Variants in NNAT observed in about 807,000 individuals in gnomAD.
NNAT encodes neuronatin.
Under a neutral mutation model 12.7 loss-of-function variants are expected in NNAT, and 8 were observed. The observed-to-expected ratio is 0.63, with a 90% CI of 0.37 to 1.14. NNAT has a LOEUF of 1.14. Ranked by LOEUF, NNAT falls within the 50% of genes most tolerant of loss-of-function variation. The pLI is 0.01. For synonymous variants in NNAT, 52 were observed against 48.5 expected (o/e 1.07, Z -0.30); for missense variants, 94 against 108.3 (o/e 0.87, Z 0.59).
chr20:37,521,343 G>T lies in NNAT; in HGVS notation c.12G>T (p.Val4=). Residue 4 remains valine (V), a synonymous_variant, in exon 1 of 3, where the codon GTG becomes GTT. Coordinates refer to ENST00000649451, the MANE Select transcript of NNAT (RefSeq NM_005386.4). The surrounding 1 kb of genome is among the most constrained non-coding windows in gnomAD (Gnocchi z 4.5). MAA[V]AAASAELLII... Reference sequence around the variant, plus strand: ...CCATTCTTGGAACCATGGCGGCAGTGGCGGCGGCCTCGGCTGAACTGCTCA... The same window carrying T: ...CCATTCTTGGAACCATGGCGGCAGTTGCGGCGGCCTCGGCTGAACTGCTCA... 1 of 1,614,068 alleles carries T rather than the reference G, an allele frequency of 6.2e-7. No individual in the cohort carries two copies. The highest frequency in any genetic ancestry group is 1.3e-5 in the African/African-American group (1 of 75,050).
Position 37,521,423 on chromosome 20 carries a change from G to C in NNAT, c.72+20G>C, listed in dbSNP as rs759555927. 6.2e-7 allele frequency: 1 copy of C among 1,612,644 alleles called. No homozygotes were observed. Among genetic ancestry groups the C allele is most frequent in the Non-Finnish European group, 8.5e-7 (1 of 1,178,654 alleles). On this transcript the variant is annotated intron_variant, in intron 1 of 2. Coordinates refer to ENST00000649451, the MANE Select transcript of NNAT (RefSeq NM_005386.4). The surrounding 1 kb of genome is among the most constrained non-coding windows in gnomAD (Gnocchi z 4.5). ...CTGCAGGTAAGTCTGACGGGGTTTC[G>C]GGTGGGAGAGGGTTCCCAACTCGCG...
At chr20:37,522,543 G>A in intron 2 of NNAT, 105 bp downstream of exon 2, 22 of 1,153,784 alleles carry the variant, frequency 1.9e-5, no homozygotes, top group Admixed American at 2.5e-5. Flanking sequence ...GCCCGCGCCC[G>A]CCTCTCCAGC....
At position 37,521,434 on chromosome 20, in the gene NNAT, G is replaced by C. The variant is rs779217621; in HGVS notation, c.72+31G>C. 2 of 1,607,532 alleles carry C rather than the reference G, an allele frequency of 1.2e-6. No homozygotes were observed. The highest frequency in any genetic ancestry group is 2.2e-5 in the South Asian group (2 of 90,976). On this transcript the variant is annotated intron_variant, in intron 1 of 2. Transcript: ENST00000649451. The surrounding 1 kb of genome is among the most constrained non-coding windows in gnomAD (Gnocchi z 4.5). ...TCTGACGGGGTTTCGGGTGGGAGAG[G>C]GTTCCCAACTCGCGCCCCTAGAACC...
chr20:37,521,558 C>T lies in NNAT; in HGVS notation c.72+155C>T. The T allele has an allele frequency of 1.4e-6, 1 of 735,990 alleles. No individual in the cohort carries two copies. Among genetic ancestry groups the T allele is most frequent in the Non-Finnish European group, 2.3e-6 (1 of 434,158 alleles). 45.6% of individuals were successfully genotyped at this position (735,990 alleles called of 1,614,324 possible). Reference sequence around the variant, plus strand: ...TGCCGCTGCCGGCACCGCGCGCCCCCTGCCCATTCCCTGCGCCGTCCTCCT... The same window carrying T: ...TGCCGCTGCCGGCACCGCGCGCCCCTTGCCCATTCCCTGCGCCGTCCTCCT... On this transcript the variant is annotated intron_variant, in intron 1 of 2. Transcript: ENST00000649451. This position sits in a 1 kb window ranked among gnomAD's most constrained non-coding sequence, Gnocchi z 4.5.
chr20:37,522,648 C>T lies in NNAT; in HGVS notation c.154-19C>T, dbSNP rs1213319181. The T allele has an allele frequency of 6.2e-7, 1 of 1,603,624 alleles. No homozygotes were observed. The highest frequency in any genetic ancestry group is 8.5e-7 in the Non-Finnish European group (1 of 1,175,464). ...TGGGTGCTCTCCACTAAGGGTGGGT[C>T]CTGGGTTTCTCGTCGCAGGTGTTCA... On this transcript the variant is annotated intron_variant, in intron 2 of 2. Transcript: ENST00000649451.
Position 37,522,354 on chromosome 20 carries a change from C to G in NNAT, c.73-4C>G. 2 of 1,613,362 alleles carry G rather than the reference C, an allele frequency of 1.2e-6. No individual in the cohort carries two copies. The highest frequency in any genetic ancestry group is 2.2e-5 in the East Asian group (1 of 44,852). ...TGCCAAAGGAATCGCATATTTCCTT[C>G]AAGGTGTTCCTGGAATGCTGCATTT... On this transcript the variant is annotated splice_polypyrimidine_tract_variant and splice_region_variant and intron_variant, in intron 1 of 2. Coordinates refer to ENST00000649451, the MANE Select transcript of NNAT (RefSeq NM_005386.4).
Position 37,521,724 on chromosome 20 carries a change from G to C in NNAT, c.72+321G>C, listed in dbSNP as rs953172686. 2 of 317,468 alleles carry C rather than the reference G, an allele frequency of 6.3e-6. No homozygotes were observed. Among genetic ancestry groups the C allele is most frequent in the Non-Finnish European group, 1.2e-5 (2 of 168,652 alleles). 19.7% of individuals were successfully genotyped at this position (317,468 alleles called of 1,614,324 possible). On this transcript the variant is annotated intron_variant, in intron 1 of 2. Coordinates refer to ENST00000649451, the MANE Select transcript of NNAT (RefSeq NM_005386.4). This position sits in a 1 kb window ranked among gnomAD's most constrained non-coding sequence, Gnocchi z 4.5. ...CCCGCTACACCCGGACTCGACCCCAGGAGGGAGGCGGGGCACTACTGTGTT... is the reference window on the plus strand; with the variant it reads ...CCCGCTACACCCGGACTCGACCCCACGAGGGAGGCGGGGCACTACTGTGTT...
chr20:37,522,904 G>C lies in NNAT; in HGVS notation c.*145G>C. 1.6e-6 allele frequency: 1 copy of C among 644,670 alleles called. No homozygotes were observed. Among genetic ancestry groups the C allele is most frequent in the Non-Finnish European group, 2.6e-6 (1 of 380,440 alleles). 39.9% of individuals were successfully genotyped at this position (644,670 alleles called of 1,614,324 possible). A position where few individuals can be genotyped will look rare whatever the true frequency, so the allele number is the denominator to read the frequency against. ...ACTTGGCAAGGTCAGTGAGGGGCCA[G>C]TAGACCCCCGGAGAAGCAGTACCGA... is the stretch of plus-strand genomic sequence containing the variant. On this transcript the variant is annotated 3_prime_UTR_variant, in exon 3 of 3. Transcript: ENST00000649451.
Position 37,522,456 on chromosome 20 carries a change from G to A in NNAT, c.153+18G>A. 1.2e-6 allele frequency: 2 copies of A among 1,609,244 alleles called. No individual in the cohort carries two copies. Among genetic ancestry groups the A allele is most frequent in the Non-Finnish European group, 1.7e-6 (2 of 1,176,348 alleles). On this transcript the variant is annotated intron_variant, in intron 2 of 2. Coordinates refer to ENST00000649451, the MANE Select transcript of NNAT (RefSeq NM_005386.4). ...GAAGTGAGGTATACCTAAGTTGTGG[G>A]TCCAATCAGCTTGCCGCCATGCAGC...
In NNAT at chr20:37,521,321, T is replaced by C; in HGVS notation, c.-11T>C. ...CTCTTTCTCGACCACCCACCTACCA[T>C]TCTTGGAACCATGGCGGCAGTGGCG... is the stretch of plus-strand genomic sequence containing the variant. On this transcript the variant is annotated 5_prime_UTR_variant, in exon 1 of 3. Coordinates refer to ENST00000649451, the MANE Select transcript of NNAT (RefSeq NM_005386.4). This position sits in a 1 kb window ranked among gnomAD's most constrained non-coding sequence, Gnocchi z 4.5. The C allele has an allele frequency of 1.2e-6, 2 of 1,613,694 alleles. No individual in the cohort carries two copies. Among genetic ancestry groups the C allele is most frequent in the Non-Finnish European group, 1.7e-6 (2 of 1,179,702 alleles).
rs1414434356 is a variant in NNAT at position 37,521,575 on chromosome 20, C to T, written c.72+172C>T. The T allele has an allele frequency of 1.6e-5, 11 of 667,908 alleles. No homozygotes were observed. Among genetic ancestry groups the T allele is most frequent in the South Asian group, 1.6e-4 (9 of 56,948 alleles). 41.4% of individuals were successfully genotyped at this position (667,908 alleles called of 1,614,324 possible). On this transcript the variant is annotated intron_variant, in intron 1 of 2. Transcript: ENST00000649451. This position sits in a 1 kb window ranked among gnomAD's most constrained non-coding sequence, Gnocchi z 4.5. Reference sequence around the variant, plus strand: ...CGCGCCCCCTGCCCATTCCCTGCGCCGTCCTCCTCGCGCTGACCCTCCCTA... The same window carrying T: ...CGCGCCCCCTGCCCATTCCCTGCGCTGTCCTCCTCGCGCTGACCCTCCCTA...
In NNAT at chr20:37,521,961, A is replaced by G. The variant is rs935235331; in HGVS notation, c.73-397A>G. 3.3e-5 allele frequency among the ~76,000 whole-genome samples: 5 copies of G among 151,762 alleles called. No individual in the cohort carries two copies. The highest frequency in any genetic ancestry group is 1.2e-4 in the African/African-American group (5 of 41,390). ...AAAAAGTAGTTCACAGGAAAACAGA[A>G]AAACGCGCATTGCAGGAAAAATAAA... On this transcript the variant is annotated intron_variant, in intron 1 of 2. Coordinates refer to ENST00000649451, the MANE Select transcript of NNAT (RefSeq NM_005386.4). This position sits in a 1 kb window ranked among gnomAD's most constrained non-coding sequence, Gnocchi z 4.5.
intron 2 of NNAT, 105 bp from the exon 3 acceptor site, chr20:37,522,550 CAGCCTACGCTGG>C (rs1371252540): frequency 7.3e-7 from 1 of 1,369,422 alleles, no homozygotes; most frequent in African/African-American, 1.5e-5. Flanking sequence ...CCCGCCTCTC[CAGCCTACGCTGG>C]ATGGGCGGGC....
In NNAT at chr20:37,523,465, C is replaced by T. The variant is rs1180135233; in HGVS notation, c.*706C>T. On this transcript the variant is annotated 3_prime_UTR_variant, in exon 3 of 3. Coordinates refer to ENST00000649451, the MANE Select transcript of NNAT (RefSeq NM_005386.4). The stretch of plus-strand genomic sequence containing the variant: ...TACTAAAACACTTTCTCTGAACCCC[C>T]CTTGCCCCTCACTGATCTTGCTTTT... 1 of 152,744 alleles carries T rather than the reference C, an allele frequency of 6.5e-6. No homozygotes were observed. The highest frequency in any genetic ancestry group is 1.5e-5 in the Non-Finnish European group (1 of 68,122). The allele number at this position is 152,744 out of a possible 1,614,324, so 9.5% of individuals were successfully genotyped here.
Position 37,523,619 on chromosome 20 carries a change from A to C in NNAT, c.*860A>C, listed in dbSNP as rs2071666778. On this transcript the variant is annotated 3_prime_UTR_variant, in exon 3 of 3. Transcript: ENST00000649451. ...GGAGGACAGGGACCACCTCTACAAA[A>C]AATAAAAAAAGTACCTCCCCTGTCT... 6.6e-6 allele frequency: 1 copy of C among 152,590 alleles called. No homozygotes were observed. Among genetic ancestry groups the C allele is most frequent in the Non-Finnish European group, 1.5e-5 (1 of 68,060 alleles). The allele number at this position is 152,590 out of a possible 1,614,324, so 9.5% of individuals were successfully genotyped here.
rs2071578528 is a variant in NNAT at position 37,521,623 on chromosome 20, AC to A, written c.72+221del. 1 of 560,856 alleles carries A rather than the reference AC, an allele frequency of 1.8e-6. No homozygotes were observed. Among genetic ancestry groups the A allele is most frequent in the African/African-American group, 1.9e-5 (1 of 52,132 alleles). 34.7% of individuals were successfully genotyped at this position (560,856 alleles called of 1,614,324 possible). A position where few individuals can be genotyped will look rare whatever the true frequency, so the allele number is the denominator to read the frequency against. ...CTAGTGCGCCCGCGCCTGCCAGGGA[AC>A]AAAGACTCGGGGCGCGGCGGGCGAC... is the stretch of plus-strand genomic sequence containing the variant. On this transcript the variant is annotated intron_variant, in intron 1 of 2. Coordinates refer to ENST00000649451, the MANE Select transcript of NNAT (RefSeq NM_005386.4). The surrounding 1 kb of genome is among the most constrained non-coding windows in gnomAD (Gnocchi z 4.5).
chr20:37,521,295 C>T lies in NNAT; in HGVS notation c.-37C>T, dbSNP rs377378589. Reference sequence around the variant, plus strand: ...CCGAGACCAGCGGATCTCGGCAAACCCTCTTTCTCGACCACCCACCTACCA... The same window carrying T: ...CCGAGACCAGCGGATCTCGGCAAACTCTCTTTCTCGACCACCCACCTACCA... On this transcript the variant is annotated 5_prime_UTR_variant, in exon 1 of 3. Coordinates refer to ENST00000649451, the MANE Select transcript of NNAT (RefSeq NM_005386.4). The surrounding 1 kb of genome is among the most constrained non-coding windows in gnomAD (Gnocchi z 4.5). The T allele has an allele frequency of 4.4e-5, 70 of 1,609,104 alleles. No homozygotes were observed. Among genetic ancestry groups the T allele is most frequent in the Admixed American group, 2.3e-4 (14 of 59,984 alleles).
Position 37,521,403 on chromosome 20 carries a change from G to A in NNAT, c.72G>A (p.Gln24=). The A allele has an allele frequency of 6.2e-7, 1 of 1,614,138 alleles. No individual in the cohort carries two copies. Residue 24 remains glutamine (Q), a splice_region_variant and synonymous_variant, in exon 1 of 3, where the codon CAG becomes CAA. Transcript: ENST00000649451. The surrounding 1 kb of genome is among the most constrained non-coding windows in gnomAD (Gnocchi z 4.5). ...IGWYIFRVLL[Q]VFLECCIYWV... The stretch of plus-strand genomic sequence containing the variant: ...GGTACATCTTCCGCGTGCTGCTGCA[G>A]GTAAGTCTGACGGGGTTTCGGGTGG...
chr20:37,523,502 T>A lies in NNAT; in HGVS notation c.*743T>A, dbSNP rs896607609. The A allele has an allele frequency of 6.5e-6, 1 of 152,748 alleles. No individual in the cohort carries two copies. Among genetic ancestry groups the A allele is most frequent in the Non-Finnish European group, 1.5e-5 (1 of 68,100 alleles). 9.5% of individuals were successfully genotyped at this position (152,748 alleles called of 1,614,324 possible). A position where few individuals can be genotyped will look rare whatever the true frequency, so the allele number is the denominator to read the frequency against. On this transcript the variant is annotated 3_prime_UTR_variant, in exon 3 of 3. Coordinates refer to ENST00000649451, the MANE Select transcript of NNAT (RefSeq NM_005386.4). ...CTGATCTTGCTTTTCCCTGGTCTCA[T>A]GCAGTTGTGGTCAATATTGTGGTAA...
Sources: gnomAD v4.1 joint callset for allele counts (sites outside exome capture counted in the v4.1 genomes callset) on GRCh38, gnomAD v4.1.1 for gene constraint, Gnocchi (gnomAD v3.1) non-coding constraint, MANE v1.5 for transcripts, NCBI Gene and HGNC (gene_info 2026-07-23, HGNC 2026-07-21) for gene names.